Variants in FHOD3 observed in about 807,000 individuals in gnomAD.
The protein encoded by FHOD3 is FH1/FH2 domain-containing protein 3.
A neutral mutation model predicts 173.0 loss-of-function variants in FHOD3; 90 were observed. The observed-to-expected ratio is 0.52, with a 90% confidence interval of 0.44 to 0.62. The LOEUF is 0.62. FHOD3 is among the 20% of genes least tolerant of loss of function. The pLI is 0.00. For missense variants in FHOD3, 1,945 were observed against 2,034.7 expected, an observed-to-expected ratio of 0.96 and a Z score of 0.85; for synonymous variants, 828 against 823.0, an observed-to-expected ratio of 1.01 and a Z score of -0.10.
intron 27 of FHOD3, among the ~76,000 whole-genome samples, chr18:36,766,917 A>T (rs936800428): frequency 6.6e-6 from 1 of 152,232 alleles, no homozygotes; most frequent in Non-Finnish European, 1.5e-5. Context: ...TTTTAAGATA[A>T]GACAAAATTA....
intron 5 of FHOD3, among the ~76,000 whole-genome samples, chr18:36,534,195 C>T (rs576513620): frequency 8.9e-4 from 136 of 152,360 alleles, no homozygotes; most frequent in African/African-American, 3.2e-3. Flanking sequence ...AAACTGATCA[C>T]AGCCCTGCTG....
chr18:36,335,846 A>G (rs2045282095), intron 1 of FHOD3, among the ~76,000 whole-genome samples: 1 of 152,202 alleles, frequency 6.6e-6, no homozygotes, highest in Admixed American at 6.5e-5. Flanking sequence ...AACAGTAGGC[A>G]CAGAGGAACT....
intron 14 of FHOD3, among the ~76,000 whole-genome samples, chr18:36,662,494 A>G (rs2036877904): frequency 6.6e-6 from 1 of 152,188 alleles, no homozygotes. Context: ...TAATAATGCC[A>G]TTGTTTACTA....
At chr18:36,582,616 T>C (rs2058893183) in intron 6 of FHOD3, among the ~76,000 whole-genome samples, 1 of 152,204 alleles carries the variant, frequency 6.6e-6, no homozygotes, top group Non-Finnish European at 1.5e-5. Context: ...TACAGGCAGT[T>C]ACCATGTGAA....
intron 6 of FHOD3, among the ~76,000 whole-genome samples, chr18:36,590,526 A>G (rs2148280106): frequency 6.6e-6 from 1 of 152,338 alleles, no homozygotes; most frequent in Non-Finnish European, 1.5e-5. Context: ...CATTTCTACA[A>G]AATTAGTGTT....
chr18:36,447,181 A>G (rs1277434825), intron 3 of FHOD3, among the ~76,000 whole-genome samples: 1 of 152,156 alleles, frequency 6.6e-6, no homozygotes, highest in Non-Finnish European at 1.5e-5. Flanking sequence ...GAGGGCCCTA[A>G]CTGCCTGCCT....
intron 18 of FHOD3, among the ~76,000 whole-genome samples, chr18:36,715,491 C>A (rs1448812439): frequency 1.3e-5 from 2 of 152,184 alleles, no homozygotes; most frequent in Non-Finnish European, 2.9e-5. Context: ...TGAGAACAGA[C>A]TAATACAAGC....
intron 24 of FHOD3, among the ~76,000 whole-genome samples, chr18:36,752,059 A>G (rs532371305): frequency 2.0e-5 from 3 of 152,358 alleles, no homozygotes; most frequent in East Asian, 1.9e-4. Flanking sequence ...CCTTCTTCAC[A>G]TAACGGCAGC....
chr18:36,613,656 T>A (rs2032916589), intron 9 of FHOD3, among the ~76,000 whole-genome samples: 1 of 152,176 alleles, frequency 6.6e-6, no homozygotes, highest in South Asian at 2.1e-4. Context: ...CTGTATAACC[T>A]TCCACCTCTG....
chr18:36,298,131 G>C (rs2091848521), intron 1 of FHOD3, 131 bp downstream of exon 1: 1 of 760,538 alleles, frequency 1.3e-6, no homozygotes, highest in East Asian at 3.5e-5. Context: ...CATCGCTCGA[G>C]GGCAAATCCC....
At chr18:36,426,846 C>T (rs2050273497) in intron 3 of FHOD3, among the ~76,000 whole-genome samples, 1 of 152,142 alleles carries the variant, frequency 6.6e-6, no homozygotes, top group South Asian at 2.1e-4. Context: ...CCATAAAACC[C>T]AAAGAGTGTG....
intron 5 of FHOD3, among the ~76,000 whole-genome samples, chr18:36,573,358 A>G (rs564447015): frequency 6.6e-6 from 1 of 151,872 alleles, no homozygotes; most frequent in East Asian, 1.9e-4. Flanking sequence ...TAATCCAGGC[A>G]CTTTGGGATT....
At chr18:36,650,498 A>G (rs2035978927) in intron 11 of FHOD3, among the ~76,000 whole-genome samples, 1 of 152,232 alleles carries the variant, frequency 6.6e-6, no homozygotes. Flanking sequence ...AGCTGATGAT[A>G]GAGAATTAGC....
chr18:36,390,128 GGC>G (rs2048226273), intron 3 of FHOD3, among the ~76,000 whole-genome samples: 1 of 152,008 alleles, frequency 6.6e-6, no homozygotes, highest in South Asian at 2.1e-4. Flanking sequence ...CCGGCATTGA[GGC>G]TTTGGGTATT....
chr18:36,739,685 A>C (rs2041811805), intron 20 of FHOD3, among the ~76,000 whole-genome samples: 1 of 152,248 alleles, frequency 6.6e-6, no homozygotes, highest in South Asian at 2.1e-4. Context: ...AAAGACACTT[A>C]ACAGGATTTG....
chr18:36,367,773 A>G (rs756171293), intron 2 of FHOD3, among the ~76,000 whole-genome samples: 5 of 152,134 alleles, frequency 3.3e-5, no homozygotes, highest in Non-Finnish European at 7.4e-5. Flanking sequence ...TCAAATTGTG[A>G]TCGTCAGGTG....
rs779154005 is a variant in FHOD3, at chr18:36,740,823, T to C, written c.3744T>C (p.Tyr1248=). 4.3e-6 allele frequency: 7 copies of C among 1,609,928 alleles called. No homozygotes were observed. The highest frequency in any genetic ancestry group is 2.2e-5 in the East Asian group (1 of 44,870). The part of the protein sequence containing the change: ...RLHLWAFKMD[Y]ETTEKEVAEP... The stretch of plus-strand genomic sequence containing the variant: ...ACCTCTGGGCATTCAAAATGGATTA[T>C]GAAACTACAGAAAAGGTAAGCTCTC... The change falls in exon 21 of 29, where the codon TAT becomes TAC. Residue 1248 remains tyrosine (Y), a synonymous_variant. Coordinates refer to ENST00000590592, the MANE Select transcript of FHOD3 (RefSeq NM_001281740.3).
rs1455249313 is a variant in FHOD3, at chr18:36,368,404, T to C, written c.273-4276T>C. 9.2e-5 allele frequency among the ~76,000 whole-genome samples: 14 copies of C among 152,124 alleles called. No individual in the cohort carries two copies. In the South Asian group the frequency reaches 1.7e-3, roughly 18 times the overall value. ...GCTTAGCATCCTTTTCTGCCTGATA[T>C]TGGCACCAGTAGAATGAGGGAATGA... On this transcript the variant is annotated intron_variant, in intron 2 of 28. Coordinates refer to ENST00000590592, the MANE Select transcript of FHOD3 (RefSeq NM_001281740.3).
chr18:36,408,223 A>T (rs2049163922), intron 3 of FHOD3, among the ~76,000 whole-genome samples: 1 of 152,230 alleles, frequency 6.6e-6, no homozygotes, highest in African/African-American at 2.4e-5. Flanking sequence ...GAGGAAAGAA[A>T]AGGCTGAAGT....
Sources: allele counts gnomAD v4.1 joint callset (sites outside exome capture counted in the v4.1 genomes callset), GRCh38; gene constraint gnomAD v4.1.1; transcripts MANE v1.5; gene names NCBI Gene and HGNC (gene_info 2026-07-23, HGNC 2026-07-21).